Variants in WDR7 observed in about 807,000 individuals in gnomAD.
WDR7 encodes the protein WD repeat-containing protein 7.
A neutral mutation model predicts 169.4 loss-of-function variants in WDR7; 46 were observed. The ratio of observed to expected loss-of-function variants is 0.27; its 90% CI spans 0.21 to 0.35. The LOEUF (loss-of-function observed/expected upper bound fraction) is 0.35, where lower values mean the gene tolerates loss of function less well. WDR7 is among the 10% of genes least tolerant of loss of function. The pLI is 1.00. For missense variants in WDR7, 1,534 were observed against 1,859.3 expected, an observed-to-expected ratio of 0.83 and a Z score of 3.22; for synonymous variants, 612 against 666.8, an observed-to-expected ratio of 0.92 and a Z score of 1.27.
At chr18:56,854,061 C>A (rs1277953594) in intron 20 of WDR7, among the ~76,000 whole-genome samples, 1 of 152,158 alleles carries the variant, frequency 6.6e-6, no homozygotes, top group Non-Finnish European at 1.5e-5. Flanking sequence ...GTGGAAAAAA[C>A]TGGTTTTCCT....
chr18:56,810,747 G>A (rs1346987450), intron 19 of WDR7, among the ~76,000 whole-genome samples: 2 of 152,128 alleles, frequency 1.3e-5, no homozygotes, highest in Non-Finnish European at 2.9e-5. Flanking sequence ...GATCTGGAAT[G>A]TTAGAAAACC....
At chr18:56,887,420 A>C (rs552265353) in intron 21 of WDR7, among the ~76,000 whole-genome samples, 2 of 152,202 alleles carry the variant, frequency 1.3e-5, no homozygotes, top group Non-Finnish European at 2.9e-5. Flanking sequence ...AGGACTAGAT[A>C]TGGGAAGGGA....
chr18:57,031,863 C>G (rs1185026486), downstream of WDR7: 1 of 152,164 alleles, frequency 6.6e-6, no homozygotes, highest in Non-Finnish European at 1.5e-5. Flanking sequence ...AGGAAGCACT[C>G]AATAGATGTA....
intron 21 of WDR7, among the ~76,000 whole-genome samples, chr18:56,920,445 C>G (rs1334764500): frequency 3.9e-5 from 6 of 152,184 alleles, no homozygotes; most frequent in Admixed American, 3.9e-4. Flanking sequence ...GAGTCTTATT[C>G]TCTTTTTTTC....
At chr18:56,938,419 C>A in intron 23 of WDR7, 114 bp from the exon 24 acceptor site, 1 of 1,334,124 alleles carries the variant, frequency 7.5e-7, no homozygotes. Flanking sequence ...TTCTGACTCA[C>A]CCACAAGAAG....
chr18:56,789,785 G>A (rs1391059106), intron 19 of WDR7, among the ~76,000 whole-genome samples: 2 of 152,174 alleles, frequency 1.3e-5, no homozygotes, highest in Non-Finnish European at 2.9e-5. Flanking sequence ...GTAGTTGGTG[G>A]CAAGGCCCCT....
chr18:57,028,932 CTTTA>C lies in WDR7; in HGVS notation c.*1729_*1732del, dbSNP rs771774109. 6.6e-5 allele frequency: 10 copies of C among 152,582 alleles called. No homozygotes were observed. The highest frequency in any genetic ancestry group is 2.2e-4 in the African/African-American group (9 of 41,428). The allele number at this position is 152,582 out of a possible 1,614,324, so 9.5% of individuals were successfully genotyped here. A position where few individuals can be genotyped will look rare whatever the true frequency, so the allele number is the denominator to read the frequency against. ...GAAACAAAGACCTATACAGTTTAGA[CTTTA>C]TTTGTTTGGTGAACGTGCTGTTGTG... On this transcript the variant is annotated 3_prime_UTR_variant, in exon 28 of 28. Coordinates refer to ENST00000254442, the MANE Select transcript of WDR7 (RefSeq NM_015285.3).
At chr18:56,891,568 C>T (rs1599134374) in intron 21 of WDR7, among the ~76,000 whole-genome samples, 2 of 151,856 alleles carry the variant, frequency 1.3e-5, no homozygotes. Context: ...TTTTAATCTT[C>T]GTAAGAACCC....
intron 16 of WDR7, among the ~76,000 whole-genome samples, chr18:56,769,333 G>T (rs1162022244): frequency 6.6e-6 from 1 of 151,476 alleles, no homozygotes; most frequent in East Asian, 1.9e-4. Context: ...TTGAATAGTT[G>T]GGACTATAGT....
intron 9 of WDR7, 80 bp downstream of exon 9, chr18:56,691,897 GT>G: frequency 8.8e-7 from 1 of 1,139,288 alleles, no homozygotes; most frequent in Non-Finnish European, 1.2e-6. Context: ...CTTGTGATAG[GT>G]TTAAAAAATT....
At chr18:56,703,344 C>T (rs748068926) in intron 12 of WDR7, among the ~76,000 whole-genome samples, 5 of 152,292 alleles carry the variant, frequency 3.3e-5, no homozygotes, top group Non-Finnish European at 7.4e-5. Flanking sequence ...TGACAAAGTA[C>T]TGAAAGCTTT....
At chr18:57,024,116 A>G (rs772840740) in intron 27 of WDR7, among the ~76,000 whole-genome samples, 1 of 152,164 alleles carries the variant, frequency 6.6e-6, no homozygotes, top group Non-Finnish European at 1.5e-5. Flanking sequence ...TCTTTGGGAA[A>G]AGATATTTCA....
intron 21 of WDR7, among the ~76,000 whole-genome samples, chr18:56,914,745 A>G (rs923208534): frequency 1.2e-4 from 19 of 152,092 alleles, no homozygotes; most frequent in Admixed American, 8.5e-4. Flanking sequence ...AGCACTTTTT[A>G]CCTTCCCTAG....
chr18:56,844,290 AATT>A (rs1202088712), intron 20 of WDR7, among the ~76,000 whole-genome samples: 10 of 152,106 alleles, frequency 6.6e-5, no homozygotes, highest in African/African-American at 2.4e-4. Context: ...ACATTATAAT[AATT>A]ATTGACCATT....
intron 5 of WDR7, among the ~76,000 whole-genome samples, chr18:56,685,234 A>G (rs2144589171): frequency 6.6e-6 from 1 of 152,312 alleles, no homozygotes; most frequent in South Asian, 2.1e-4. Context: ...CTTAATTTTT[A>G]TAACAACCCA....
chr18:56,888,591 A>C (rs1244033653), intron 21 of WDR7, among the ~76,000 whole-genome samples: 1 of 152,120 alleles, frequency 6.6e-6, no homozygotes, highest in East Asian at 1.9e-4. Context: ...ATCCTTCTGC[A>C]TTTTTATTCC....
chr18:56,667,127 A>C, intron 1 of WDR7, among the ~76,000 whole-genome samples: 1 of 152,106 alleles, frequency 6.6e-6, no homozygotes, highest in Non-Finnish European at 1.5e-5. Flanking sequence ...ATTCCTCTTT[A>C]GCGTCATTGC....
chr18:56,696,554 G>A, intron 12 of WDR7, 92 bp downstream of exon 12: 2 of 1,076,124 alleles, frequency 1.9e-6, no homozygotes, highest in East Asian at 2.5e-5. Flanking sequence ...CTAACTTAAA[G>A]GAAGTGTGAC....
chr18:57,016,257 C>T (rs529998227), intron 26 of WDR7, among the ~76,000 whole-genome samples: 11 of 152,244 alleles, frequency 7.2e-5, no homozygotes, highest in African/African-American at 1.4e-4. Flanking sequence ...GTTCAGTCCA[C>T]GCTCGTGCAT....
Sources: gnomAD v4.1 joint callset for allele counts (sites outside exome capture counted in the v4.1 genomes callset) on GRCh38, gnomAD v4.1.1 for gene constraint, MANE v1.5 for transcripts, NCBI Gene and HGNC (gene_info 2026-07-23, HGNC 2026-07-21) for gene names.